PDE4D: variants seen among roughly 807,000 people sequenced by gnomAD.
PDE4D encodes the protein 3',5'-cyclic-AMP phosphodiesterase 4D.
In PDE4D, 24 loss-of-function variants were observed where a neutral mutation model predicts 87.4. The observed-to-expected ratio is 0.27, with a 90% CI of 0.20 to 0.39. The LOEUF (loss-of-function observed/expected upper bound fraction) is 0.39, where lower values mean the gene tolerates loss of function less well. PDE4D is among the 10% of genes least tolerant of loss of function. The pLI, the probability that PDE4D is intolerant of heterozygous loss-of-function variation, is 1.00. For synonymous variants in PDE4D, 384 were observed against 383.2 expected (o/e 1.00, Z -0.02); for missense variants, 714 against 1,041.0 (o/e 0.69, Z 4.32).
At chr5:60,348,048 ATAAGCCC>A (rs1306675270) in intron 1 of PDE4D, among the ~76,000 whole-genome samples, 1 of 152,130 alleles carries the variant, frequency 6.6e-6, no homozygotes, top group African/African-American at 2.4e-5. Flanking sequence ...GTATATGCCC[ATAAGCCC>A]TACAAAGGAC....
intron 1 of PDE4D, among the ~76,000 whole-genome samples, chr5:59,667,747 CTT>C (rs1329312333): frequency 6.6e-6 from 1 of 152,146 alleles, no homozygotes; most frequent in Non-Finnish European, 1.5e-5. Flanking sequence ...AGTCATCAAA[CTT>C]AGCTCCACAT....
chr5:59,211,674 G>T (rs1178415082), intron 2 of PDE4D, among the ~76,000 whole-genome samples: 1 of 151,794 alleles, frequency 6.6e-6, no homozygotes, highest in East Asian at 1.9e-4. Flanking sequence ...CCTATCAAAA[G>T]GACTGTGAGT....
chr5:59,629,127 C>A lies in PDE4D; in HGVS notation c.455+264041G>T, dbSNP rs79647669. 2.0e-3 allele frequency among the ~76,000 whole-genome samples: 297 copies of A among 152,284 alleles called. 5 individuals carry two copies. The East Asian group carries it at 0.049, about 25-fold the overall frequency. On this transcript the variant is annotated intron_variant, in intron 1 of 14. Transcript: ENST00000340635. ...CCACTACACGTGCGGATTATGGGAACTACAATTCAGGATATTTTGGTGGGG... is the reference window on the plus strand; with the variant it reads ...CCACTACACGTGCGGATTATGGGAAATACAATTCAGGATATTTTGGTGGGG...
chr5:60,159,022 TAGA>T (rs1346774415), intron 2 of PDE4D, among the ~76,000 whole-genome samples: 5 of 152,252 alleles, frequency 3.3e-5, no homozygotes, highest in Admixed American at 1.3e-4. Context: ...TTTACAACTG[TAGA>T]AGAATATTTT....
At chr5:59,442,980 T>C (rs556564868) in intron 1 of PDE4D, among the ~76,000 whole-genome samples, 10 of 152,336 alleles carry the variant, frequency 6.6e-5, no homozygotes, top group African/African-American at 2.4e-4. Context: ...TTAATTCTAA[T>C]TTATTTTGAC....
chr5:60,109,107 C>A (rs976035796), intron 2 of PDE4D, among the ~76,000 whole-genome samples: 1 of 151,318 alleles, frequency 6.6e-6, no homozygotes, highest in Non-Finnish European at 1.5e-5. Flanking sequence ...TCACAACCTA[C>A]TCATCTGAGA....
intron 5 of PDE4D, chr5:59,125,261 G>A (rs1775219393): frequency 1.0e-6 from 1 of 984,248 alleles, no homozygotes; most frequent in Non-Finnish European, 1.2e-6. Context: ...ATGAAGTACA[G>A]CCAGACCTTA....
intron 1 of PDE4D, among the ~76,000 whole-genome samples, chr5:59,568,680 A>C (rs917974340): frequency 2.0e-5 from 3 of 152,140 alleles, no homozygotes; most frequent in Admixed American, 6.5e-5. Context: ...AAAATCAATC[A>C]GAAAATTCCA....
At chr5:59,934,522 T>G (rs1756345983) in intron 3 of PDE4D, among the ~76,000 whole-genome samples, 1 of 152,186 alleles carries the variant, frequency 6.6e-6, no homozygotes, top group Non-Finnish European at 1.5e-5. Flanking sequence ...GACAACAACC[T>G]GCTGTGAGTG....
chr5:59,380,406 AG>A (rs1232230170), intron 1 of PDE4D, among the ~76,000 whole-genome samples: 22 of 120,068 alleles, frequency 1.8e-4, no homozygotes, highest in South Asian at 1.4e-3. Context: ...AAAAAAAAAA[AG>A]AGAGAGAAAG....
At chr5:60,130,927 C>G (rs1221613303) in intron 2 of PDE4D, among the ~76,000 whole-genome samples, 3 of 152,256 alleles carry the variant, frequency 2.0e-5, no homozygotes, top group Non-Finnish European at 2.9e-5. Flanking sequence ...AAGTTGAAAA[C>G]TATAAACAGG....
chr5:59,804,039 T>C (rs1767460134), intron 1 of PDE4D, among the ~76,000 whole-genome samples: 1 of 152,230 alleles, frequency 6.6e-6, no homozygotes, highest in Admixed American at 6.5e-5. Context: ...ATTCATTTTC[T>C]ATTTCTATAG....
chr5:59,976,200 G>A (rs1448549084), intron 3 of PDE4D, among the ~76,000 whole-genome samples: 1 of 152,148 alleles, frequency 6.6e-6, no homozygotes, highest in Non-Finnish European at 1.5e-5. Context: ...TCCCTTGCAT[G>A]TATGATTTTA....
At chr5:59,201,954 C>T (rs541424648) in intron 2 of PDE4D, among the ~76,000 whole-genome samples, 43 of 151,260 alleles carry the variant, frequency 2.8e-4, no homozygotes, top group Non-Finnish European at 4.9e-4. Flanking sequence ...GTAACATCTT[C>T]CAAATTGAAA....
intron 5 of PDE4D, among the ~76,000 whole-genome samples, chr5:59,064,245 C>T (rs1763556789): frequency 6.6e-6 from 1 of 152,034 alleles, no homozygotes; most frequent in Admixed American, 6.6e-5. Context: ...TTTCTGCCCC[C>T]TTCAAAATAT....
chr5:59,846,648 G>T (rs1394385905), intron 1 of PDE4D, among the ~76,000 whole-genome samples: 1 of 151,972 alleles, frequency 6.6e-6, no homozygotes, highest in Non-Finnish European at 1.5e-5. Context: ...TGTCTGCTCT[G>T]CCTGAGAAAA....
rs374875700 is a variant in PDE4D, at chr5:59,787,127, C to A, written c.455+106041G>T. On this transcript the variant is annotated intron_variant, in intron 1 of 14. Transcript: ENST00000340635. The stretch of plus-strand genomic sequence containing the variant: ...TTTCCCATAACGTTATAACAAAAGT[C>A]TTTCTAAAACGTGTCATTCCTCTAC... Among the ~76,000 whole-genome samples the A allele has an allele frequency of 5.3e-5, 8 of 152,276 alleles. No homozygotes were observed. The East Asian group carries it at 1.5e-3, about 29-fold the overall frequency.
At chr5:59,661,165 T>C (rs894367471) in intron 1 of PDE4D, among the ~76,000 whole-genome samples, 1 of 151,548 alleles carries the variant, frequency 6.6e-6, no homozygotes, top group Non-Finnish European at 1.5e-5. Context: ...AAAGTTTTAA[T>C]AACTATAAAC....
intron 5 of PDE4D, among the ~76,000 whole-genome samples, chr5:59,082,922 G>A (rs753346351): frequency 6.6e-6 from 1 of 152,068 alleles, no homozygotes; most frequent in Non-Finnish European, 1.5e-5. Context: ...TTGTCATACT[G>A]GGATTTATTT....
Sources: allele counts gnomAD v4.1 joint callset (sites outside exome capture counted in the v4.1 genomes callset), GRCh38; gene constraint gnomAD v4.1.1; transcripts MANE v1.5; gene names NCBI Gene and HGNC (gene_info 2026-07-23, HGNC 2026-07-21).